Variants in QTGAL observed in about 807,000 individuals in gnomAD.
QTGAL encodes the protein queuosine-tRNA galactosyltransferase.
At chr17:82,977,079 C>T in the QTGAL span, among the ~76,000 whole-genome samples, 1 of 152,272 alleles carries the variant, frequency 6.6e-6, no homozygotes. Context: ...CCTCGAAGGC[C>T]ACGGCAGGGG....
At chr17:82,997,945 A>ATATC in the QTGAL span, among the ~76,000 whole-genome samples, 2 of 148,064 alleles carry the variant, frequency 1.4e-5, no homozygotes, top group South Asian at 2.1e-4. Flanking sequence ...ATATATATAT[A>ATATC]TATCTATATC....
chr17:83,019,001 C>A, the QTGAL span, among the ~76,000 whole-genome samples: 2 of 152,196 alleles, frequency 1.3e-5, no homozygotes, highest in Non-Finnish European at 2.9e-5. Flanking sequence ...TGCCCCCTGA[C>A]GTTGTGGTCT....
chr17:82,951,205 T>TA, the QTGAL span, among the ~76,000 whole-genome samples: 1 of 152,364 alleles, frequency 6.6e-6, no homozygotes, highest in Non-Finnish European at 1.5e-5. Flanking sequence ...CATGGTGTCT[T>TA]CTTCCAGTTC....
chr17:83,026,060 T>G, the QTGAL span, among the ~76,000 whole-genome samples: 1 of 152,230 alleles, frequency 6.6e-6, no homozygotes, highest in African/African-American at 2.4e-5. Context: ...TAAACACTTT[T>G]CACAGAAAAG....
At chr17:82,947,159 G>T in the QTGAL span, 1 of 562,782 alleles carries the variant, frequency 1.8e-6, no homozygotes, top group Non-Finnish European at 3.1e-6. Flanking sequence ...GCAGCAGCCG[G>T]CACTGCTTGT....
chr17:83,002,277 G>A, the QTGAL span, among the ~76,000 whole-genome samples: 1 of 152,196 alleles, frequency 6.6e-6, no homozygotes, highest in East Asian at 1.9e-4. Flanking sequence ...CCCGCTCTCG[G>A]TGACAGCGCT....
the QTGAL span, among the ~76,000 whole-genome samples, chr17:82,959,385 CGT>C: frequency 7.1e-6 from 1 of 140,368 alleles, no homozygotes; most frequent in African/African-American, 2.6e-5. Context: ...GTGCAGTGAG[CGT>C]GTGCAGTGAG....
the QTGAL span, among the ~76,000 whole-genome samples, chr17:82,946,232 C>A: frequency 6.6e-6 from 1 of 152,026 alleles, no homozygotes; most frequent in Non-Finnish European, 1.5e-5. Flanking sequence ...AGCTGCAAAA[C>A]ACACACACAA....
chr17:83,042,849 A>T, the QTGAL span, among the ~76,000 whole-genome samples: 2 of 152,248 alleles, frequency 1.3e-5, no homozygotes, highest in African/African-American at 4.8e-5. Flanking sequence ...AAAGTGGAAC[A>T]AGGGAAAGAG....
chr17:83,014,531 A>G, the QTGAL span: 1 of 1,613,746 alleles, frequency 6.2e-7, no homozygotes, highest in East Asian at 2.2e-5. Context: ...TGCAGTAAAG[A>G]ACACACTTTC....
chr17:82,979,503 T>G, the QTGAL span: 1 of 152,150 alleles, frequency 6.6e-6, no homozygotes, highest in East Asian at 1.9e-4. Context: ...AAACCAAAAT[T>G]AAACACACAG....
chr17:82,962,370 G>C, the QTGAL span, among the ~76,000 whole-genome samples: 1 of 152,252 alleles, frequency 6.6e-6, no homozygotes, highest in African/African-American at 2.4e-5. Context: ...TCAAAATCAT[G>C]TGTCAGCCCT....
At chr17:82,996,749 A>G in the QTGAL span, among the ~76,000 whole-genome samples, 1 of 152,214 alleles carries the variant, frequency 6.6e-6, no homozygotes, top group Admixed American at 6.5e-5. Context: ...CAATATATCT[A>G]CAGTGAACTC....
the QTGAL span, among the ~76,000 whole-genome samples, chr17:82,983,444 CAG>C: frequency 6.6e-6 from 1 of 152,196 alleles, no homozygotes; most frequent in African/African-American, 2.4e-5. Context: ...CACGTGGACT[CAG>C]TGTGACACAT....
chr17:83,018,460 CT>C, the QTGAL span, among the ~76,000 whole-genome samples: 1 of 151,888 alleles, frequency 6.6e-6, no homozygotes, highest in East Asian at 1.9e-4. Flanking sequence ...CACACATACA[CT>C]TTTTTTTTAT....
At chr17:82,987,704 T>G in the QTGAL span, among the ~76,000 whole-genome samples, 1 of 152,242 alleles carries the variant, frequency 6.6e-6, no homozygotes, top group African/African-American at 2.4e-5. Flanking sequence ...TCAGGGAGTG[T>G]GATGTCTCCA....
At chr17:82,983,197 T>C in the QTGAL span, among the ~76,000 whole-genome samples, 1 of 152,142 alleles carries the variant, frequency 6.6e-6, no homozygotes, top group Non-Finnish European at 1.5e-5. Context: ...GGAGAATTGC[T>C]TGAACCCAGA....
chr17:82,959,407 A>G, the QTGAL span, among the ~76,000 whole-genome samples: 1 of 150,794 alleles, frequency 6.6e-6, no homozygotes, highest in Admixed American at 6.6e-5. Context: ...GTACGTGTGT[A>G]TACTTTCGTG....
At chr17:82,977,358 C>T in the QTGAL span, among the ~76,000 whole-genome samples, 15 of 152,240 alleles carry the variant, frequency 9.9e-5, no homozygotes, top group South Asian at 6.2e-4. Context: ...CCCCACCCAC[C>T]GGAGTATTCA....
Sources: allele counts gnomAD v4.1 joint callset (sites outside exome capture counted in the v4.1 genomes callset), GRCh38; gene constraint gnomAD v4.1.1; transcripts MANE v1.5; gene names NCBI Gene and HGNC (gene_info 2026-07-23, HGNC 2026-07-21).